Variants in RASGEF1C observed in about 807,000 individuals in gnomAD.
RASGEF1C encodes RasGEF domain family member 1C, also known as ras-GEF domain-containing family member 1C.
In RASGEF1C, 27 loss-of-function variants were observed where a neutral mutation model predicts 58.1. The ratio of observed to expected loss-of-function variants is 0.46; its 90% CI spans 0.34 to 0.64. The LOEUF (loss-of-function observed/expected upper bound fraction) is 0.64, where lower values mean the gene tolerates loss of function less well. Among genes scored for constraint, RASGEF1C ranks in the 30% least tolerant of loss-of-function variants. The pLI is 0.01. For missense variants in RASGEF1C, 502 were observed against 605.1 expected, an observed-to-expected ratio of 0.83 and a Z score of 1.79; for synonymous variants, 243 against 246.3, an observed-to-expected ratio of 0.99 and a Z score of 0.13.
rs1026412098 is a variant in RASGEF1C, at chr5:180,101,210, C to T, written c.*291G>A. The T allele has an allele frequency of 1.6e-5, 8 of 487,014 alleles. No individual in the cohort carries two copies. Among genetic ancestry groups the T allele is most frequent in the African/African-American group, 1.2e-4 (6 of 51,892 alleles). The allele number at this position is 487,014 out of a possible 1,614,324, so 30.2% of individuals were successfully genotyped here. ...CTCTGGGGCAGTGTTGTGTCCTTGC[C>T]GAGGATGGACAGACTGACCAGGCCC... On this transcript the variant is annotated 3_prime_UTR_variant, in exon 14 of 14. Coordinates refer to ENST00000361132, the MANE Select transcript of RASGEF1C (RefSeq NM_175062.4).
chr5:180,201,776 A>G (rs1459638053), intron 1 of RASGEF1C, among the ~76,000 whole-genome samples: 1 of 152,208 alleles, frequency 6.6e-6, no homozygotes, highest in East Asian at 1.9e-4. Flanking sequence ...GCCCTCATCA[A>G]TGAGATTAGT....
At chr5:180,135,482 G>A (rs185646835) in intron 4 of RASGEF1C, among the ~76,000 whole-genome samples, 8 of 152,262 alleles carry the variant, frequency 5.3e-5, no homozygotes, top group South Asian at 2.1e-4. Flanking sequence ...CCCCGCCCAC[G>A]TTTCCCCCTT....
intron 1 of RASGEF1C, among the ~76,000 whole-genome samples, chr5:180,174,608 A>G (rs1452399751): frequency 1.4e-5 from 1 of 69,760 alleles, no homozygotes; most frequent in African/African-American, 4.5e-5. Context: ...GTGTGCACGC[A>G]TGTGTGTGTC....
chr5:180,160,636 T>G (rs1249825833), intron 1 of RASGEF1C, among the ~76,000 whole-genome samples: 1 of 151,770 alleles, frequency 6.6e-6, no homozygotes, highest in African/African-American at 2.4e-5. Flanking sequence ...ACAATATGCA[T>G]GTCATCAGTA....
intron 12 of RASGEF1C, among the ~76,000 whole-genome samples, chr5:180,107,466 T>C (rs1466302414): frequency 1.3e-5 from 2 of 152,220 alleles, no homozygotes; most frequent in African/African-American, 4.8e-5. Context: ...GACAGTTCTT[T>C]TGGCAATTGA....
At chr5:180,103,197 C>T (rs890033700) in intron 12 of RASGEF1C, among the ~76,000 whole-genome samples, 67 of 152,174 alleles carry the variant, frequency 4.4e-4, no homozygotes, top group African/African-American at 1.6e-3. Flanking sequence ...CCTGCCTCAC[C>T]CTCCCGAGTG....
At chr5:180,125,696 C>T (rs1187200747) in intron 6 of RASGEF1C, among the ~76,000 whole-genome samples, 1 of 151,900 alleles carries the variant, frequency 6.6e-6, no homozygotes, top group Non-Finnish European at 1.5e-5. Context: ...GCAGGAGAAT[C>T]GCTTGAACCC....
intron 6 of RASGEF1C, among the ~76,000 whole-genome samples, chr5:180,126,146 G>A (rs968931229): frequency 2.0e-5 from 3 of 152,192 alleles, no homozygotes; most frequent in East Asian, 3.9e-4. Context: ...GGTAGCTCAC[G>A]CCTGTAATCC....
intron 1 of RASGEF1C, among the ~76,000 whole-genome samples, chr5:180,154,279 C>T (rs1009278376): frequency 2.0e-5 from 3 of 152,126 alleles, no homozygotes; most frequent in Non-Finnish European, 4.4e-5. Context: ...GGAACAGGGA[C>T]AGTCCCTGTC....
At chr5:180,150,553 G>A (rs1766729227) in intron 1 of RASGEF1C, among the ~76,000 whole-genome samples, 1 of 151,854 alleles carries the variant, frequency 6.6e-6, no homozygotes, top group African/African-American at 2.4e-5. Context: ...ATGTTGGCTG[G>A]GTGCTGTGGC....
chr5:180,110,726 G>A (rs1356959540), intron 12 of RASGEF1C, among the ~76,000 whole-genome samples: 2 of 152,188 alleles, frequency 1.3e-5, no homozygotes, highest in Non-Finnish European at 2.9e-5. Flanking sequence ...GCCTCACCTC[G>A]TGCCTGTGTC....
rs189735460 is a variant in RASGEF1C, at chr5:180,155,160, G to C, written c.-6-17102C>G. ...CCCCACCTTGCACAGAAACCTCAAG[G>C]GAGGAAAGCCCCCAACCCTGAGTAT... On this transcript the variant is annotated intron_variant, in intron 1 of 13. Coordinates refer to ENST00000361132, the MANE Select transcript of RASGEF1C (RefSeq NM_175062.4). This position sits in a 1 kb window ranked among gnomAD's most constrained non-coding sequence, Gnocchi z 5.2. Among the ~76,000 whole-genome samples, 59 of 152,266 alleles carry C rather than the reference G, an allele frequency of 3.9e-4. No individual in the cohort carries two copies. In the East Asian group the frequency reaches 9.5e-3, roughly 24 times the overall value.
chr5:180,135,382 C>A, intron 4 of RASGEF1C: 1 of 152,404 alleles, frequency 6.6e-6, no homozygotes. Flanking sequence ...TCACACACAG[C>A]TCTTCTGCCA....
At position 180,209,039 on chromosome 5, in the gene RASGEF1C, G is replaced by A. The variant is rs1756548831; in HGVS notation, c.-18C>T. Reference sequence around the variant, plus strand: ...CGCGCACCACTCACCGGCTCCCGGCGCGCCGGAACTCCGGGCCCGGCCCAT... The same window carrying A: ...CGCGCACCACTCACCGGCTCCCGGCACGCCGGAACTCCGGGCCCGGCCCAT... On this transcript the variant is annotated 5_prime_UTR_variant, in exon 1 of 14. Coordinates refer to ENST00000361132, the MANE Select transcript of RASGEF1C (RefSeq NM_175062.4). 2 of 145,094 alleles carry A rather than the reference G, an allele frequency of 1.4e-5. No homozygotes were observed. Among genetic ancestry groups the A allele is most frequent in the South Asian group, 3.6e-4 (2 of 5,496 alleles). The allele number at this position is 145,094 out of a possible 1,614,324, so 9.0% of individuals were successfully genotyped here. A position where few individuals can be genotyped will look rare whatever the true frequency, so the allele number is the denominator to read the frequency against.
At chr5:180,111,082 G>A (rs1283904629) in intron 12 of RASGEF1C, among the ~76,000 whole-genome samples, 3 of 152,148 alleles carry the variant, frequency 2.0e-5, no homozygotes, top group Non-Finnish European at 4.4e-5. Flanking sequence ...CCAAAGTGCC[G>A]GGATTATAGG....
chr5:180,173,359 C>T (rs554282914), intron 1 of RASGEF1C, among the ~76,000 whole-genome samples: 11 of 152,306 alleles, frequency 7.2e-5, no homozygotes, highest in Admixed American at 3.9e-4. Context: ...GCCTGCCACC[C>T]GGTTTCCAGA....
At chr5:180,176,587 T>C (rs548882417) in intron 1 of RASGEF1C, among the ~76,000 whole-genome samples, 18 of 150,702 alleles carry the variant, frequency 1.2e-4, no homozygotes, top group South Asian at 6.3e-4. Flanking sequence ...GATGGAGTCT[T>C]GCTCTGTCGC....
Position 180,189,795 on chromosome 5 carries a change from T to C in RASGEF1C, c.-7+19233A>G, listed in dbSNP as rs376351285. Among the ~76,000 whole-genome samples, 3 of 151,738 alleles carry C rather than the reference T, an allele frequency of 2.0e-5. No homozygotes were observed. In the East Asian group the frequency reaches 5.9e-4, roughly 30 times the overall value. ...AAAATTAGCCAGGCATGGTGGTGGG[T>C]GCCTGTAATCTCAGCTACTTGGGAG... On this transcript the variant is annotated intron_variant, in intron 1 of 13. Transcript: ENST00000361132.
intron 1 of RASGEF1C, among the ~76,000 whole-genome samples, chr5:180,144,805 A>C (rs1486974323): frequency 6.6e-6 from 1 of 151,798 alleles, no homozygotes; most frequent in African/African-American, 2.4e-5. Flanking sequence ...TAACTCCCCA[A>C]TTTCTCCTCC....
Sources: gnomAD v4.1 joint callset for allele counts (sites outside exome capture counted in the v4.1 genomes callset) on GRCh38, gnomAD v4.1.1 for gene constraint, Gnocchi (gnomAD v3.1) non-coding constraint, MANE v1.5 for transcripts, NCBI Gene and HGNC (gene_info 2026-07-23, HGNC 2026-07-21) for gene names.